Variants in EFS observed in about 807,000 individuals in gnomAD.
The protein encoded by EFS is embryonal Fyn-associated substrate, also known as Cas scaffolding protein family member 3.
In EFS, 34 loss-of-function variants were observed where a neutral mutation model predicts 42.2. The observed-to-expected ratio is 0.81, with a 90% CI of 0.61 to 1.07. The LOEUF is 1.07. Among genes scored for constraint, EFS ranks in the 50% least tolerant of loss-of-function variants. EFS has a pLI of 0.00. For synonymous variants in EFS, 299 were observed against 320.7 expected (o/e 0.93, Z 0.72); for missense variants, 717 against 729.4 (o/e 0.98, Z 0.20).
At chr14:23,358,104 A>G (rs1469915922) in intron 5 of EFS, among the ~76,000 whole-genome samples, 1 of 152,210 alleles carries the variant, frequency 6.6e-6, no homozygotes, top group African/African-American at 2.4e-5. Flanking sequence ...TTTTTCCCAT[A>G]CTGAGTCTGT....
rs376147663 is a variant in EFS at position 23,358,888 on chromosome 14, C to T, written c.1239G>A (p.Met413Ile). 2 of 1,611,948 alleles carry T rather than the reference C, an allele frequency of 1.2e-6. No homozygotes were observed. Among genetic ancestry groups the T allele is most frequent in the African/African-American group, 1.3e-5 (1 of 74,860 alleles). The change falls in exon 5 of 6, where the codon ATG becomes ATA. Residue 413 changes from methionine to isoleucine, a missense_variant. Transcript: ENST00000216733. Reference sequence around the variant, plus strand: ...CCGCCAGGGTCACCTGCGGCGCCGGCATCCCCCTCTCGGGCAGTTCAGGAT... The same window carrying T: ...CCGCCAGGGTCACCTGCGGCGCCGGTATCCCCCTCTCGGGCAGTTCAGGAT... Reference protein sequence around the residue: ...TGDPELPERGMPAPQEALSPG... With the variant: ...TGDPELPERGIPAPQEALSPG...
chr14:23,362,237 G>T (rs139514511), intron 1 of EFS, among the ~76,000 whole-genome samples: 15 of 152,338 alleles, frequency 9.8e-5, no homozygotes, highest in African/African-American at 3.6e-4. Context: ...GATGCTTGCT[G>T]GTAGGATCCC....
intron 2 of EFS, 80 bp downstream of exon 2, chr14:23,360,475 C>T (rs1057339022): frequency 2.0e-6 from 3 of 1,508,968 alleles, no homozygotes; most frequent in Admixed American, 2.3e-5. Context: ...TCCTGCCCAC[C>T]TGCTGCAGGC....
Position 23,359,883 on chromosome 14 carries a change from C to T in EFS, c.595G>A (p.Glu199Lys), listed in dbSNP as rs577933882. The T allele has an allele frequency of 1.0e-5, 16 of 1,532,634 alleles. No individual in the cohort carries two copies. The African/African-American group carries it at 1.7e-4, about 16-fold the overall frequency. 94.9% of individuals were successfully genotyped at this position (1,532,634 alleles called of 1,614,324 possible). A position where few individuals can be genotyped will look rare whatever the true frequency, so the allele number is the denominator to read the frequency against. The change falls in exon 4 of 6, where the codon GAG becomes AAG. Residue 199 changes from glutamate to lysine, a missense_variant. Coordinates refer to ENST00000216733, the MANE Select transcript of EFS (RefSeq NM_005864.4). Reference sequence around the variant, plus strand: ...TCCCACTCCAGATCTGGTTCCAGCTCTGCAGGTGGCTTTGGGGTCAGAGGC... The same window carrying T: ...TCCCACTCCAGATCTGGTTCCAGCTTTGCAGGTGGCTTTGGGGTCAGAGGC... ...DVPLTPKPPA[E>K]LEPDLEWEGG... is the part of the protein sequence containing the mutation.
At position 23,356,848 on chromosome 14, in the gene EFS, A is replaced by T. The variant is rs1347436329; in HGVS notation, c.*378T>A. The stretch of plus-strand genomic sequence containing the variant: ...AGAGCCAAGAAACAGGAAAAGAGAG[A>T]GGCTCTATGTGGCCCCAGGTTTCTG... On this transcript the variant is annotated 3_prime_UTR_variant, in exon 6 of 6. Coordinates refer to ENST00000216733, the MANE Select transcript of EFS (RefSeq NM_005864.4). 1 of 167,166 alleles carries T rather than the reference A, an allele frequency of 6.0e-6. No homozygotes were observed. The highest frequency in any genetic ancestry group is 1.3e-5 in the Non-Finnish European group (1 of 78,532). The allele number at this position is 167,166 out of a possible 1,614,324, so 10.4% of individuals were successfully genotyped here.
chr14:23,359,869 A>T lies in EFS; in HGVS notation c.609T>A (p.Asp203Glu), dbSNP rs747348016. Residue 203 changes from aspartate to glutamate, a missense_variant, in exon 4 of 6, where the codon GAT becomes GAA. By Grantham distance (45) the Asp-to-Glu change is conservative (BLOSUM62 2). Transcript: ENST00000216733. ...GCTCCCGGCCTCCTTCCCACTCCAG[A>T]TCTGGTTCCAGCTCTGCAGGTGGCT... The part of the protein sequence containing the change: ...TPKPPAELEP[D>E]LEWEGGREPG... 1.3e-6 allele frequency: 2 copies of T among 1,529,950 alleles called. No homozygotes were observed. Among genetic ancestry groups the T allele is most frequent in the East Asian group, 4.5e-5 (2 of 44,036 alleles). 94.8% of individuals were successfully genotyped at this position (1,529,950 alleles called of 1,614,324 possible). A position where few individuals can be genotyped will look rare whatever the true frequency, so the allele number is the denominator to read the frequency against.
rs531041222 is a variant in EFS at position 23,360,968 on chromosome 14, T to C, written c.19-135A>G. 4 of 930,398 alleles carry C rather than the reference T, an allele frequency of 4.3e-6. No homozygotes were observed. In the South Asian group the frequency reaches 5.9e-5, roughly 14 times the overall value. The allele number at this position is 930,398 out of a possible 1,614,324, so 57.6% of individuals were successfully genotyped here. A position where few individuals can be genotyped will look rare whatever the true frequency, so the allele number is the denominator to read the frequency against. Reference sequence around the variant, plus strand: ...TGAACTCTGGATGCAGCTTTCTGCCTGGGCCCTAGCTTCTCTCCAGCTTCA... The same window carrying C: ...TGAACTCTGGATGCAGCTTTCTGCCCGGGCCCTAGCTTCTCTCCAGCTTCA... On this transcript the variant is annotated intron_variant, in intron 1 of 5. Transcript: ENST00000216733.
Position 23,360,686 on chromosome 14 carries a change from C to T in EFS, c.166G>A (p.Gly56Ser). The change falls in exon 2 of 6, where the codon GGC becomes AGC. Residue 56 changes from glycine to serine, a missense_variant. Coordinates refer to ENST00000216733, the MANE Select transcript of EFS (RefSeq NM_005864.4). ...WCLCSLHGQQ[G>S]IVPANRVKLL... is the part of the protein sequence containing the mutation. ...TTCACCCTGTTGGCGGGCACAATGC[C>T]CTGCTGGCCGTGTAGGGAGCAGAGG... 1 of 1,613,976 alleles carries T rather than the reference C, an allele frequency of 6.2e-7. No individual in the cohort carries two copies. Among genetic ancestry groups the T allele is most frequent in the Non-Finnish European group, 8.5e-7 (1 of 1,179,990 alleles).
chr14:23,363,465 A>G (rs1055399363), intron 1 of EFS, among the ~76,000 whole-genome samples: 12 of 152,280 alleles, frequency 7.9e-5, no homozygotes, highest in Non-Finnish European at 1.6e-4. Flanking sequence ...TTTGATTAGC[A>G]TAAATGCCCC....
At chr14:23,358,825 C>T in intron 5 of EFS, 51 bp downstream of exon 5, 2 of 1,509,782 alleles carry the variant, frequency 1.3e-6, no homozygotes, top group South Asian at 1.3e-5. Context: ...CCCAAGTCCC[C>T]ATTCCTCCCT....
intron 1 of EFS, among the ~76,000 whole-genome samples, chr14:23,361,136 C>T (rs1250766792): frequency 6.6e-6 from 1 of 152,160 alleles, no homozygotes; most frequent in African/African-American, 2.4e-5. Flanking sequence ...TACTATTTGT[C>T]TATTTGCTTC....
chr14:23,364,090 C>T (rs1275527634), intron 1 of EFS, among the ~76,000 whole-genome samples: 3 of 152,030 alleles, frequency 2.0e-5, no homozygotes, highest in African/African-American at 4.8e-5. Flanking sequence ...GTGACGGCCT[C>T]GCTTCCCTGG....
chr14:23,357,394 A>T lies in EFS; in HGVS notation c.1518T>A (p.Ala506=). ...ASAPLRAQVR[A]AGTALGQALR... is the part of the protein sequence containing the mutation. ...ATGCCTGGCCCAGTGCTGTACCTGC[A>T]GCCCTGACCTGTGCTCTCAGAGGGG... The change falls in exon 6 of 6, where the codon GCT becomes GCA. Residue 506 remains alanine, a synonymous_variant. Coordinates refer to ENST00000216733, the MANE Select transcript of EFS (RefSeq NM_005864.4). 1 of 1,609,360 alleles carries T rather than the reference A, an allele frequency of 6.2e-7. No homozygotes were observed. Among genetic ancestry groups the T allele is most frequent in the Non-Finnish European group, 8.5e-7 (1 of 1,176,854 alleles).
chr14:23,358,733 G>A, intron 5 of EFS, 143 bp downstream of exon 5: 1 of 613,816 alleles, frequency 1.6e-6, no homozygotes, highest in South Asian at 3.5e-5. Flanking sequence ...TTTCTAACTT[G>A]CCTCCGCTCT....
At position 23,365,121 on chromosome 14, in the gene EFS, C is replaced by G; in HGVS notation, c.-96G>C. On this transcript the variant is annotated 5_prime_UTR_variant, in exon 1 of 6. Transcript: ENST00000216733. The surrounding 1 kb of genome is among the most constrained non-coding windows in gnomAD (Gnocchi z 5.3). Reference sequence around the variant, plus strand: ...CACCATGGTCCGCGGCCTCTAGCCCCCAGCTGTGGCGCCTGAGTCGTGGCC... The same window carrying G: ...CACCATGGTCCGCGGCCTCTAGCCCGCAGCTGTGGCGCCTGAGTCGTGGCC... 8.6e-7 allele frequency: 1 copy of G among 1,156,286 alleles called. No homozygotes were observed. Among genetic ancestry groups the G allele is most frequent in the Non-Finnish European group, 1.1e-6 (1 of 903,794 alleles). The allele number at this position is 1,156,286 out of a possible 1,614,324, so 71.6% of individuals were successfully genotyped here. A position where few individuals can be genotyped will look rare whatever the true frequency, so the allele number is the denominator to read the frequency against.
At position 23,360,699 on chromosome 14, in the gene EFS, T is replaced by C. The variant is rs1408838495; in HGVS notation, c.153A>G (p.Leu51=). Residue 51 remains leucine (L), a synonymous_variant, in exon 2 of 6, where the codon CTA becomes CTG. Coordinates refer to ENST00000216733, the MANE Select transcript of EFS (RefSeq NM_005864.4). The part of the protein sequence containing the change: ...GGLDGWCLCS[L]HGQQGIVPAN... ...CGGGCACAATGCCCTGCTGGCCGTGTAGGGAGCAGAGGCACCAGCCGTCCA... is the reference window on the plus strand; with the variant it reads ...CGGGCACAATGCCCTGCTGGCCGTGCAGGGAGCAGAGGCACCAGCCGTCCA... The C allele has an allele frequency of 3.7e-6, 6 of 1,613,846 alleles. No individual in the cohort carries two copies. The Admixed American group carries it at 1.0e-4, about 27-fold the overall frequency.
intron 1 of EFS, among the ~76,000 whole-genome samples, chr14:23,363,074 C>T (rs923300545): frequency 2.6e-5 from 4 of 151,934 alleles, no homozygotes; most frequent in African/African-American, 7.3e-5. Flanking sequence ...CCACCACGCC[C>T]GGCTAATTTT....
chr14:23,362,316 G>A (rs902042661), intron 1 of EFS, among the ~76,000 whole-genome samples: 1 of 152,132 alleles, frequency 6.6e-6, no homozygotes. Flanking sequence ...GTAGCCAAAC[G>A]GACTGACTAA....
chr14:23,362,819 C>A (rs1890196023), intron 1 of EFS, among the ~76,000 whole-genome samples: 2 of 152,122 alleles, frequency 1.3e-5, no homozygotes, highest in African/African-American at 4.8e-5. Flanking sequence ...AATCATAACT[C>A]ACTGTAACCT....
Sources: gnomAD v4.1 joint callset for allele counts (sites outside exome capture counted in the v4.1 genomes callset) on GRCh38, gnomAD v4.1.1 for gene constraint, Gnocchi (gnomAD v3.1) non-coding constraint, MANE v1.5 for transcripts, NCBI Gene and HGNC (gene_info 2026-07-23, HGNC 2026-07-21) for gene names.